The following FDX1 variants were observed in gnomAD, a reference collection of about 807,000 sequenced individuals.
FDX1 encodes adrenodoxin, mitochondrial.
Under a neutral mutation model 14.9 loss-of-function variants are expected in FDX1, and 9 were observed. The observed-to-expected ratio is 0.60, with a 90% CI of 0.36 to 1.05. The LOEUF is 1.05. Among genes scored for constraint, FDX1 ranks in the 50% least tolerant of loss-of-function variants. FDX1 has a pLI of 0.01. For missense variants in FDX1, 204 were observed against 237.2 expected (o/e 0.86, Z 0.92); for synonymous variants, 92 against 99.4 (o/e 0.93, Z 0.44).
chr11:110,446,056 A>G (rs946680573), intron 2 of FDX1, among the ~76,000 whole-genome samples: 2 of 152,222 alleles, frequency 1.3e-5, no homozygotes, highest in Admixed American at 6.5e-5. Context: ...GACTCAGAAG[A>G]AAAGCTTTAA....
chr11:110,430,882 C>T (rs1354810047), intron 1 of FDX1, among the ~76,000 whole-genome samples: 2 of 152,206 alleles, frequency 1.3e-5, no homozygotes, highest in Admixed American at 6.5e-5. Context: ...AAAGCCCCTG[C>T]GTTGAAGTAA....
At chr11:110,444,657 TATATATAC>T (rs1416611621) in intron 2 of FDX1, among the ~76,000 whole-genome samples, 7 of 78,724 alleles carry the variant, frequency 8.9e-5, no homozygotes, top group South Asian at 4.2e-4. Flanking sequence ...TGTGTATATA[TATATATAC>T]GTATATATAT....
In FDX1 at chr11:110,444,708, A is replaced by ATG. The variant is rs1946434575; in HGVS notation, c.310+8751_310+8752insGT. The stretch of plus-strand genomic sequence containing the variant: ...TACACGTATATATATATATATACGT[A>ATG]TATATATATATATACGTATATATAT... On this transcript the variant is annotated intron_variant, in intron 2 of 3. Coordinates refer to ENST00000260270, the MANE Select transcript of FDX1 (RefSeq NM_004109.5). Among the ~76,000 whole-genome samples, 2 of 46,648 alleles carry ATG rather than the reference A, an allele frequency of 4.3e-5. 1 individual carries two copies. The highest frequency in any genetic ancestry group is 2.2e-4 in the African/African-American group (2 of 8,940). The allele number at this position is 46,648 out of a possible 152,430, so 30.6% of individuals were successfully genotyped here.
At chr11:110,447,476 T>C (rs1430817400) in intron 2 of FDX1, among the ~76,000 whole-genome samples, 1 of 151,904 alleles carries the variant, frequency 6.6e-6, no homozygotes, top group Non-Finnish European at 1.5e-5. Flanking sequence ...AAACCATGAG[T>C]GTCTTCCTTT....
At chr11:110,438,275 G>A (rs1565380269) in intron 2 of FDX1, among the ~76,000 whole-genome samples, 2 of 152,074 alleles carry the variant, frequency 1.3e-5, no homozygotes, top group South Asian at 2.1e-4. Flanking sequence ...CCTTTTCTCC[G>A]CAGCCTTGCC....
At chr11:110,444,725 TATATATATATATATATATAC>T (rs1565382026) in intron 2 of FDX1, among the ~76,000 whole-genome samples, 3 of 50,724 alleles carry the variant, frequency 5.9e-5, no homozygotes, top group African/African-American at 1.7e-4. Flanking sequence ...TATATATACG[TATATATATATATATATATAC>T]ACGTATATAT....
chr11:110,457,002 A>T lies in FDX1; in HGVS notation c.395A>T (p.Asp132Val). 1.2e-6 allele frequency: 2 copies of T among 1,613,738 alleles called. No individual in the cohort carries two copies. ...HIYEKLDAITDEENDMLDLAY... is the reference protein window; with the variant it reads ...HIYEKLDAITVEENDMLDLAY... ...TATGAGAAGTTAGATGCAATCACTG[A>T]TGAGGAGAATGACATGCTCGATCTG... Residue 132 changes from aspartate (D) to valine (V), a missense_variant, in exon 3 of 4, where the codon GAT becomes GTT. Physicochemically the swap from Asp to Val is radical, Grantham distance 152. Coordinates refer to ENST00000260270, the MANE Select transcript of FDX1 (RefSeq NM_004109.5).
At chr11:110,437,558 T>C (rs1341394668) in intron 2 of FDX1, among the ~76,000 whole-genome samples, 2 of 152,190 alleles carry the variant, frequency 1.3e-5, no homozygotes, top group African/African-American at 4.8e-5. Flanking sequence ...CTCTGGTGAT[T>C]AGTGATGTTG....
intron 1 of FDX1, among the ~76,000 whole-genome samples, chr11:110,432,280 G>A (rs575334227): frequency 6.6e-6 from 1 of 152,160 alleles, no homozygotes; most frequent in African/African-American, 2.4e-5. Context: ...GTATTGTTTC[G>A]TATGACTCTT....
chr11:110,459,116 A>G (rs1946541095), intron 3 of FDX1, among the ~76,000 whole-genome samples: 1 of 152,154 alleles, frequency 6.6e-6, no homozygotes, highest in Non-Finnish European at 1.5e-5. Flanking sequence ...GGAAAGGGAG[A>G]TTCAGGAATT....
Position 110,463,147 on chromosome 11 carries a change from A to G in FDX1, c.*679A>G, listed in dbSNP as rs1946566282. 6.6e-6 allele frequency: 1 copy of G among 152,282 alleles called. No homozygotes were observed. Among genetic ancestry groups the G allele is most frequent in the Non-Finnish European group, 1.5e-5 (1 of 68,052 alleles). The allele number at this position is 152,282 out of a possible 1,614,324, so 9.4% of individuals were successfully genotyped here. A position where few individuals can be genotyped will look rare whatever the true frequency, so the allele number is the denominator to read the frequency against. ...TCTCTGTTTTGACTAAACTAGAGGA[A>G]AAATGATTGGATGTGTTTATTCTTT... On this transcript the variant is annotated 3_prime_UTR_variant, in exon 4 of 4. Coordinates refer to ENST00000260270, the MANE Select transcript of FDX1 (RefSeq NM_004109.5).
At chr11:110,438,490 G>T (rs2134569940) in intron 2 of FDX1, among the ~76,000 whole-genome samples, 1 of 151,904 alleles carries the variant, frequency 6.6e-6, no homozygotes, top group East Asian at 1.9e-4. Flanking sequence ...CAGTGGCGCA[G>T]TCTGGGCTCA....
intron 2 of FDX1, among the ~76,000 whole-genome samples, chr11:110,456,509 C>CTTTTTTTT (rs11463993): frequency 1.8e-4 from 15 of 83,808 alleles, no homozygotes; most frequent in East Asian, 3.9e-4. Flanking sequence ...TTTATGTATT[C>CTTTTTTTT]TTTTTTTTTT....
At chr11:110,438,720 G>A (rs923894741) in intron 2 of FDX1, among the ~76,000 whole-genome samples, 5 of 152,076 alleles carry the variant, frequency 3.3e-5, no homozygotes, top group African/African-American at 1.2e-4. Context: ...GCCTACTTCG[G>A]CCTCCCAAAG....
chr11:110,429,913 T>G (rs1946316906), upstream of FDX1: 1 of 342,264 alleles, frequency 2.9e-6, no homozygotes, highest in Non-Finnish European at 5.2e-6. Context: ...GGCCGCGCTC[T>G]GCTTGCCAAT....
At position 110,444,020 on chromosome 11, in the gene FDX1, T is replaced by C. The variant is rs572489701; in HGVS notation, c.310+8062T>C. The stretch of plus-strand genomic sequence containing the variant: ...TCTCCCACTCTGTAGGTTGTCTGTT[T>C]ACTTTGTTGATAGTTTTTTTTGCTG... On this transcript the variant is annotated intron_variant, in intron 2 of 3. Coordinates refer to ENST00000260270, the MANE Select transcript of FDX1 (RefSeq NM_004109.5). 4.6e-5 allele frequency among the ~76,000 whole-genome samples: 7 copies of C among 152,234 alleles called. No individual in the cohort carries two copies. The East Asian group carries it at 1.4e-3, about 29-fold the overall frequency.
intron 2 of FDX1, among the ~76,000 whole-genome samples, chr11:110,446,631 C>T (rs76438499): frequency 1.7e-3 from 265 of 152,284 alleles, no homozygotes; most frequent in African/African-American, 6.2e-3. Context: ...CCCGGCTGCT[C>T]GAACCTGAAA....
intron 2 of FDX1, among the ~76,000 whole-genome samples, chr11:110,444,690 A>ATG (rs1946432325): frequency 3.6e-5 from 2 of 54,982 alleles, no homozygotes; most frequent in Admixed American, 2.2e-4. Context: ...ATATACACGT[A>ATG]TATATATATA....
chr11:110,459,281 T>C (rs918829671), intron 3 of FDX1, among the ~76,000 whole-genome samples: 17 of 152,222 alleles, frequency 1.1e-4, no homozygotes, highest in Non-Finnish European at 1.5e-5. Flanking sequence ...AGGAAATATA[T>C]GTGAAGCTCT....
Sources: allele counts gnomAD v4.1 joint callset (sites outside exome capture counted in the v4.1 genomes callset), GRCh38; gene constraint gnomAD v4.1.1; transcripts MANE v1.5; gene names NCBI Gene and HGNC (gene_info 2026-07-23, HGNC 2026-07-21).